Variants in DRC2 observed in about 807,000 individuals in gnomAD.
DRC2 encodes the protein coiled-coil domain containing 65.
chr12:48,915,968 C>T, the DRC2 span, among the ~76,000 whole-genome samples: 2 of 146,292 alleles, frequency 1.4e-5, no homozygotes, highest in Admixed American at 6.8e-5. Flanking sequence ...GACAGGGCGG[C>T]GGGGCAGAGG....
At chr12:48,914,646 G>A in the DRC2 span, 2 of 1,404,902 alleles carry the variant, frequency 1.4e-6, no homozygotes, top group Middle Eastern at 2.3e-4. Flanking sequence ...GGAGTTGCCT[G>A]TAAGCAAGTG....
chr12:48,916,466 G>A, the DRC2 span, among the ~76,000 whole-genome samples: 3 of 151,520 alleles, frequency 2.0e-5, no homozygotes. Context: ...CAGGCGTGGA[G>A]GCGCGCGCCT....
the DRC2 span, chr12:48,921,510 C>A: frequency 1.3e-6 from 2 of 1,503,720 alleles, no homozygotes; most frequent in South Asian, 2.7e-5. Context: ...TCTTTCAACT[C>A]CTAGAGATTT....
At chr12:48,904,313 T>A in the DRC2 span, 1 of 1,601,962 alleles carries the variant, frequency 6.2e-7, no homozygotes, top group Non-Finnish European at 8.5e-7. Flanking sequence ...GAGGCTTCTT[T>A]CCCGGATCCA....
chr12:48,912,239 C>T, the DRC2 span, among the ~76,000 whole-genome samples: 1 of 151,092 alleles, frequency 6.6e-6, no homozygotes, highest in Non-Finnish European at 1.5e-5. Context: ...CCAGCCTGGG[C>T]GACAGAGTGA....
the DRC2 span, chr12:48,918,403 C>T: frequency 6.2e-7 from 1 of 1,614,012 alleles, no homozygotes; most frequent in East Asian, 2.2e-5. Flanking sequence ...CCTTTGAGAC[C>T]CTGCAGGTGA....
chr12:48,915,916 C>T, the DRC2 span, among the ~76,000 whole-genome samples: 1 of 151,250 alleles, frequency 6.6e-6, no homozygotes. Context: ...CCTCACCTCC[C>T]AGACGGGGTG....
the DRC2 span, among the ~76,000 whole-genome samples, chr12:48,915,292 G>A: frequency 1.3e-5 from 2 of 149,586 alleles, no homozygotes; most frequent in South Asian, 2.2e-4. Context: ...GGGTACTTGA[G>A]ATTAGGGAGT....
chr12:48,916,354 TC>T, the DRC2 span, among the ~76,000 whole-genome samples: 1 of 152,168 alleles, frequency 6.6e-6, no homozygotes, highest in Non-Finnish European at 1.5e-5. Context: ...TCCCGGCACC[TC>T]GGGAGGCCGA....
At chr12:48,905,523 A>C in the DRC2 span, among the ~76,000 whole-genome samples, 1 of 152,184 alleles carries the variant, frequency 6.6e-6, no homozygotes, top group East Asian at 1.9e-4. Flanking sequence ...GCAGTGCTCC[A>C]TTCAACTAAA....
chr12:48,904,338 T>A, the DRC2 span: 1 of 1,612,894 alleles, frequency 6.2e-7, no homozygotes, highest in African/African-American at 1.3e-5. Context: ...CCTGCCCCCA[T>A]GCCTAAGAAA....
At chr12:48,914,772 C>T in the DRC2 span, among the ~76,000 whole-genome samples, 19 of 152,306 alleles carry the variant, frequency 1.2e-4, no homozygotes, top group African/African-American at 3.8e-4. Flanking sequence ...CCTTTACTCA[C>T]GTCAGGTCCC....
chr12:48,908,604 A>AT, the DRC2 span, among the ~76,000 whole-genome samples: 1,797 of 110,868 alleles, frequency 0.016, 17 homozygotes, highest in Admixed American at 0.028. Flanking sequence ...TATTATTATT[A>AT]TTATTTATTT....
the DRC2 span, chr12:48,921,353 A>G: frequency 6.2e-7 from 1 of 1,614,120 alleles, no homozygotes; most frequent in Non-Finnish European, 8.5e-7. Context: ...AGCTCAACCC[A>G]CTCTTTATAG....
the DRC2 span, among the ~76,000 whole-genome samples, chr12:48,912,437 CAAAAAAAA>C: frequency 2.2e-5 from 1 of 45,356 alleles, no homozygotes; most frequent in Non-Finnish European, 3.7e-5. Flanking sequence ...GACGCCGTCT[CAAAAAAAA>C]AAAAAAAAAA....
the DRC2 span, among the ~76,000 whole-genome samples, chr12:48,920,496 T>A: frequency 2.0e-5 from 3 of 148,078 alleles, no homozygotes; most frequent in South Asian, 2.1e-4. Flanking sequence ...GTTTTTTTTT[T>A]AAAGGAATGA....
chr12:48,904,375 C>T, the DRC2 span: 9 of 1,613,994 alleles, frequency 5.6e-6, no homozygotes, highest in Admixed American at 5.0e-5. Context: ...CGCCCCTGTC[C>T]GATGAGAAGC....
the DRC2 span, among the ~76,000 whole-genome samples, chr12:48,917,375 G>A: frequency 2.7e-5 from 4 of 149,640 alleles, no homozygotes; most frequent in Non-Finnish European, 5.9e-5. Context: ...GAGGTAGGAT[G>A]ATCGCTTGAG....
chr12:48,906,626 C>T, the DRC2 span, among the ~76,000 whole-genome samples: 1 of 151,708 alleles, frequency 6.6e-6, no homozygotes, highest in Admixed American at 6.6e-5. Context: ...AGTACAGTGG[C>T]GCGATCTCGG....
Sources: allele counts gnomAD v4.1 joint callset (sites outside exome capture counted in the v4.1 genomes callset), GRCh38; gene constraint gnomAD v4.1.1; transcripts MANE v1.5; gene names NCBI Gene and HGNC (gene_info 2026-07-23, HGNC 2026-07-21).